The following FOXP2 variants were observed in gnomAD, a reference collection of about 807,000 sequenced individuals.
The protein encoded by FOXP2 is forkhead box P2.
A neutral mutation model predicts 115.8 loss-of-function variants in FOXP2; 12 were observed. The observed-to-expected ratio is 0.10, with a 90% confidence interval of 0.07 to 0.17. FOXP2 has a LOEUF of 0.17. Ranked by LOEUF, FOXP2 falls within the 10% of genes least tolerant of loss-of-function variation. The pLI is 1.00. For synonymous variants in FOXP2, 328 were observed against 297.7 expected (o/e 1.10, Z -1.05); for missense variants, 629 against 843.5 (o/e 0.75, Z 3.15).
intron 2 of FOXP2, among the ~76,000 whole-genome samples, chr7:114,342,981 A>G (rs1194329214): frequency 6.6e-6 from 1 of 151,588 alleles, no homozygotes; most frequent in Non-Finnish European, 1.5e-5. Context: ...TTTTGATGAT[A>G]TAAGCTAATT....
chr7:114,416,455 A>G (rs1471088902), intron 1 of FOXP2: 2 of 138,486 alleles, frequency 1.4e-5, no homozygotes, highest in Non-Finnish European at 3.0e-5. Context: ...TCATCCATGT[A>G]TTTTCACTTT....
At chr7:114,188,773 G>T (rs1793681117) in intron 1 of FOXP2, among the ~76,000 whole-genome samples, 2 of 152,122 alleles carry the variant, frequency 1.3e-5, no homozygotes, top group African/African-American at 2.4e-5. Context: ...GGAAGTGTGA[G>T]TCTTGTTCAA....
chr7:114,263,713 A>T (rs754542230), intron 1 of FOXP2, among the ~76,000 whole-genome samples: 1 of 150,730 alleles, frequency 6.6e-6, no homozygotes, highest in Non-Finnish European at 1.5e-5. Context: ...TGTAACTGTT[A>T]TGGTTCCTTT....
At chr7:114,414,137 T>C (rs1440362567), upstream of FOXP2, 1 of 152,164 alleles carries the variant, frequency 6.6e-6, no homozygotes, top group Non-Finnish European at 1.5e-5. Flanking sequence ...CTGTAGTTTT[T>C]ACCTTAACAG....
chr7:114,684,016 C>G (rs201260481), intron 16 of FOXP2, among the ~76,000 whole-genome samples: 2 of 151,866 alleles, frequency 1.3e-5, no homozygotes, highest in African/African-American at 2.4e-5. Context: ...TAGAACATAC[C>G]TCTTTAGTCA....
At chr7:114,217,211 T>C (rs760543432) in intron 1 of FOXP2, among the ~76,000 whole-genome samples, 15 of 152,154 alleles carry the variant, frequency 9.9e-5, no homozygotes, top group Non-Finnish European at 1.6e-4. Context: ...AAAAATGGGA[T>C]TGGCAGGCCC....
intron 1 of FOXP2, among the ~76,000 whole-genome samples, chr7:114,242,291 A>G (rs1224028762): frequency 6.6e-6 from 1 of 152,062 alleles, no homozygotes; most frequent in Non-Finnish European, 1.5e-5. Flanking sequence ...AGAAAAAATG[A>G]TGGTCTAATT....
chr7:114,644,880 A>C, intron 8 of FOXP2, 91 bp downstream of exon 8: 1 of 996,178 alleles, frequency 1.0e-6, no homozygotes, highest in Non-Finnish European at 1.5e-6. Context: ...ATGAAGGAGG[A>C]ATGTAAAAGT....
intron 3 of FOXP2, among the ~76,000 whole-genome samples, chr7:114,536,981 C>T (rs1381308189): frequency 1.3e-5 from 2 of 151,496 alleles, no homozygotes; most frequent in Non-Finnish European, 3.0e-5. Flanking sequence ...AAAAGCTTAA[C>T]AGCATTTGAT....
chr7:114,400,136 G>C (rs946035598), intron 2 of FOXP2, among the ~76,000 whole-genome samples: 1 of 152,110 alleles, frequency 6.6e-6, no homozygotes, highest in South Asian at 2.1e-4. Context: ...AGGATTACAG[G>C]TGTGAGCCAC....
intron 1 of FOXP2, among the ~76,000 whole-genome samples, chr7:114,144,157 G>A (rs545360786): frequency 1.3e-5 from 2 of 152,268 alleles, no homozygotes; most frequent in Non-Finnish European, 2.9e-5. Context: ...ATGATTTTCG[G>A]TAGATTAGGT....
intron 1 of FOXP2, among the ~76,000 whole-genome samples, chr7:114,144,922 A>G (rs1179088759): frequency 6.6e-6 from 1 of 152,212 alleles, no homozygotes; most frequent in Admixed American, 6.5e-5. Flanking sequence ...GAACGCTATT[A>G]ATGTTCAAAT....
chr7:114,642,307 C>T, intron 6 of FOXP2, 103 bp from the exon 7 acceptor site: 1 of 868,492 alleles, frequency 1.2e-6, no homozygotes, highest in Non-Finnish European at 1.9e-6. Flanking sequence ...ATGCAGGTAA[C>T]ATCACTGTTG....
At chr7:114,379,016 G>A (rs1448875217) in intron 2 of FOXP2, among the ~76,000 whole-genome samples, 2 of 151,866 alleles carry the variant, frequency 1.3e-5, no homozygotes, top group Admixed American at 1.3e-4. Context: ...ATCAAATATA[G>A]GAGGTAAAAT....
At chr7:114,275,758 C>G (rs1359184013) in intron 1 of FOXP2, among the ~76,000 whole-genome samples, 1 of 152,166 alleles carries the variant, frequency 6.6e-6, no homozygotes, top group African/African-American at 2.4e-5. Flanking sequence ...TTCTTGATAG[C>G]TGGACATGAT....
intron 3 of FOXP2, among the ~76,000 whole-genome samples, chr7:114,625,346 C>T (rs543720561): frequency 7.6e-4 from 115 of 151,866 alleles, no homozygotes; most frequent in African/African-American, 2.5e-3. Context: ...TGTCACACGT[C>T]TAAATTGTGA....
At chr7:114,449,175 C>A (rs1048654957) in intron 2 of FOXP2, among the ~76,000 whole-genome samples, 1 of 151,700 alleles carries the variant, frequency 6.6e-6, no homozygotes, top group Admixed American at 6.6e-5. Context: ...ATTTTGTTCA[C>A]ATTATTTAAA....
chr7:114,223,526 A>G (rs1363534073), intron 1 of FOXP2, among the ~76,000 whole-genome samples: 15 of 147,530 alleles, frequency 1.0e-4, no homozygotes, highest in Admixed American at 6.1e-4. Flanking sequence ...TATAATATGT[A>G]TATATATATG....
At chr7:114,549,090 GT>G (rs1584881876) in intron 3 of FOXP2, among the ~76,000 whole-genome samples, 1 of 152,096 alleles carries the variant, frequency 6.6e-6, no homozygotes, top group East Asian at 1.9e-4. Flanking sequence ...ATTGATACTT[GT>G]GGGGTACCTA....
Sources: allele counts gnomAD v4.1 joint callset (sites outside exome capture counted in the v4.1 genomes callset), GRCh38; gene constraint gnomAD v4.1.1; transcripts MANE v1.5; gene names NCBI Gene and HGNC (gene_info 2026-07-23, HGNC 2026-07-21).